TOP6BL: variants seen among roughly 807,000 people sequenced by gnomAD.
The protein encoded by TOP6BL is type 2 DNA topoisomerase 6 subunit B-like.
At chr11:66,799,385 CA>C in the TOP6BL span, among the ~76,000 whole-genome samples, 1,909 of 112,552 alleles carry the variant, frequency 0.017, 30 homozygotes, top group African/African-American at 0.046. Context: ...GACTCCATTT[CA>C]AAAAAAAAAA....
the TOP6BL span, among the ~76,000 whole-genome samples, chr11:66,769,996 C>T: frequency 2.0e-5 from 3 of 152,010 alleles, no homozygotes; most frequent in Non-Finnish European, 4.4e-5. Context: ...CCGCCTGCCT[C>T]GGCCTCCCAA....
the TOP6BL span, among the ~76,000 whole-genome samples, chr11:66,756,793 CCT>C: frequency 6.6e-6 from 1 of 152,058 alleles, no homozygotes; most frequent in Non-Finnish European, 1.5e-5. Flanking sequence ...CTCACTACAA[CCT>C]CTGTTTCCTG....
chr11:66,843,258 C>T, the TOP6BL span: 1 of 1,606,158 alleles, frequency 6.2e-7, no homozygotes, highest in Admixed American at 1.7e-5. Flanking sequence ...CCGCAAGCGC[C>T]CACCGATCCG....
the TOP6BL span, among the ~76,000 whole-genome samples, chr11:66,753,904 C>A: frequency 6.6e-6 from 1 of 151,944 alleles, no homozygotes; most frequent in African/African-American, 2.4e-5. Context: ...AGAGTTTCAC[C>A]ATGTTGGCTA....
chr11:66,841,937 G>A, the TOP6BL span, among the ~76,000 whole-genome samples: 2 of 152,202 alleles, frequency 1.3e-5, no homozygotes, highest in Admixed American at 6.5e-5. Context: ...TCTGGGGCAG[G>A]AGTGGTGACT....
the TOP6BL span, among the ~76,000 whole-genome samples, chr11:66,773,526 A>G: frequency 6.6e-6 from 1 of 151,840 alleles, no homozygotes; most frequent in African/African-American, 2.4e-5. Flanking sequence ...TTGGTTATTT[A>G]TATCTTCTCT....
chr11:66,765,890 G>A, the TOP6BL span, among the ~76,000 whole-genome samples: 1 of 152,126 alleles, frequency 6.6e-6, no homozygotes, highest in East Asian at 1.9e-4. Flanking sequence ...AATAAGACAG[G>A]AATCCCTTAG....
the TOP6BL span, among the ~76,000 whole-genome samples, chr11:66,816,822 C>T: frequency 1.8e-3 from 276 of 152,196 alleles, no homozygotes; most frequent in Middle Eastern, 6.8e-3. Context: ...AAGTAATCTT[C>T]CTTCCTCGGC....
the TOP6BL span, among the ~76,000 whole-genome samples, chr11:66,815,254 A>G: frequency 1.3e-5 from 2 of 152,076 alleles, no homozygotes; most frequent in African/African-American, 2.4e-5. Context: ...TTGCCAATTC[A>G]TGGTCCTGAA....
the TOP6BL span, among the ~76,000 whole-genome samples, chr11:66,820,555 A>G: frequency 6.6e-6 from 1 of 152,204 alleles, no homozygotes; most frequent in South Asian, 2.1e-4. Context: ...GCCTGTGGTT[A>G]CTTTAACAGA....
At chr11:66,788,320 TC>T in the TOP6BL span, 1 of 1,317,934 alleles carries the variant, frequency 7.6e-7, no homozygotes, top group Non-Finnish European at 1.1e-6. Flanking sequence ...TTCTTATTTT[TC>T]TGCAATCTAA....
At chr11:66,783,018 C>T in the TOP6BL span, among the ~76,000 whole-genome samples, 1 of 152,040 alleles carries the variant, frequency 6.6e-6, no homozygotes, top group Non-Finnish European at 1.5e-5. Context: ...CATTTTAAGT[C>T]TCTCATTTTG....
At chr11:66,824,420 TTTATTATTATTA>T in the TOP6BL span, among the ~76,000 whole-genome samples, 781 of 140,730 alleles carry the variant, frequency 5.5e-3, 9 homozygotes, top group South Asian at 9.4e-3. Context: ...TAATTTTGTA[TTTATTATTATTA>T]TTATTATTAT....
the TOP6BL span, among the ~76,000 whole-genome samples, chr11:66,746,517 C>T: frequency 1.3e-5 from 2 of 152,104 alleles, no homozygotes; most frequent in Non-Finnish European, 2.9e-5. Context: ...GAGTTCAAGA[C>T]CAGCCTGATC....
At chr11:66,767,419 A>G in the TOP6BL span, among the ~76,000 whole-genome samples, 1 of 152,170 alleles carries the variant, frequency 6.6e-6, no homozygotes, top group Non-Finnish European at 1.5e-5. Context: ...TCAAGTGAGG[A>G]AAGGAAAGTG....
chr11:66,837,435 C>A, the TOP6BL span, among the ~76,000 whole-genome samples: 2 of 141,300 alleles, frequency 1.4e-5, no homozygotes, highest in African/African-American at 2.7e-5. Context: ...CCGAGAAGCA[C>A]AAATTTTTAA....
the TOP6BL span, among the ~76,000 whole-genome samples, chr11:66,833,779 C>G: frequency 6.6e-6 from 1 of 152,028 alleles, no homozygotes; most frequent in Admixed American, 6.6e-5. Context: ...AAAATTCCGT[C>G]TCTACTAAAA....
the TOP6BL span, among the ~76,000 whole-genome samples, chr11:66,819,274 C>T: frequency 6.6e-6 from 1 of 151,966 alleles, no homozygotes; most frequent in Middle Eastern, 3.2e-3. Context: ...TTGTGACTAA[C>T]TCATTATTTT....
chr11:66,821,037 C>T, the TOP6BL span, among the ~76,000 whole-genome samples: 1 of 152,150 alleles, frequency 6.6e-6, no homozygotes, highest in African/African-American at 2.4e-5. Context: ...TAGTTATCCT[C>T]GCTCATGGTT....
Sources: gnomAD v4.1 joint callset for allele counts (sites outside exome capture counted in the v4.1 genomes callset) on GRCh38, gnomAD v4.1.1 for gene constraint, MANE v1.5 for transcripts, NCBI Gene and HGNC (gene_info 2026-07-23, HGNC 2026-07-21) for gene names.